The following KBTBD8 variants were observed in gnomAD, a reference collection of about 807,000 sequenced individuals.
KBTBD8 encodes kelch repeat and BTB domain-containing protein 8.
KBTBD8 carries 31 observed loss-of-function variants against 53.5 expected under a neutral mutation model. The observed-to-expected ratio is 0.58, with a 90% CI of 0.44 to 0.78. The LOEUF is 0.78. KBTBD8 is among the 30% of genes least tolerant of loss of function. The pLI is 0.00. For synonymous variants in KBTBD8, 250 were observed against 247.3 expected (o/e 1.01, Z -0.10); for missense variants, 642 against 735.8 (o/e 0.87, Z 1.48).
rs1474580728 is a variant in KBTBD8 at position 67,009,617 on chromosome 3, A to G, written c.*1232A>G. 6.6e-6 allele frequency: 1 copy of G among 152,564 alleles called. No individual in the cohort carries two copies. Among genetic ancestry groups the G allele is most frequent in the Non-Finnish European group, 1.5e-5 (1 of 67,998 alleles). 9.5% of individuals were successfully genotyped at this position (152,564 alleles called of 1,614,324 possible). On this transcript the variant is annotated 3_prime_UTR_variant, in exon 4 of 4. Coordinates refer to ENST00000417314, the MANE Select transcript of KBTBD8 (RefSeq NM_032505.3). ...TAGCTGAAGGTGATTGAAAAGGAAA[A>G]GAGTGAGTGAACAGAACCATAGCTT...
chr3:67,002,934 G>A (rs1489859324), intron 2 of KBTBD8, among the ~76,000 whole-genome samples: 1 of 152,126 alleles, frequency 6.6e-6, no homozygotes, highest in Non-Finnish European at 1.5e-5. Context: ...CTTTTGATTT[G>A]CATTTACTTA....
At chr3:67,002,857 G>A (rs1038796084) in intron 2 of KBTBD8, among the ~76,000 whole-genome samples, 2 of 152,092 alleles carry the variant, frequency 1.3e-5, no homozygotes, top group African/African-American at 2.4e-5. Flanking sequence ...TGTCCCTAAG[G>A]CAACTTGACC....
In KBTBD8 at chr3:67,008,088, T is replaced by C; in HGVS notation, c.1509T>C (p.Asp503=). ...HQRMFTVEAY[D]IELNKWTRKK... is the part of the protein sequence containing the mutation. ...GTATGTTTACTGTAGAAGCCTATGA[T>C]ATTGAGCTAAATAAATGGACTCGTA... The change falls in exon 4 of 4, where the codon GAT becomes GAC. Residue 503 remains aspartate (D), a synonymous_variant. Transcript: ENST00000417314. 6.2e-7 allele frequency: 1 copy of C among 1,614,112 alleles called. No individual in the cohort carries two copies. The highest frequency in any genetic ancestry group is 8.5e-7 in the Non-Finnish European group (1 of 1,180,010).
chr3:67,003,781 AACACCAATGGCTGT>A lies in KBTBD8; in HGVS notation c.819_832del (p.Asn274GlufsTer8). ...AAGCTGTGTAGAAAAGGGACCATCC[AACACCAATGGCTGT>A]ACACAGAGGCTTGGAATGACTGCTT... On this transcript the variant is annotated frameshift_variant, in exon 3 of 4. Coordinates refer to ENST00000417314, the MANE Select transcript of KBTBD8 (RefSeq NM_032505.3). LOFTEE classifies it high-confidence loss of function. 6.2e-7 allele frequency: 1 copy of A among 1,614,218 alleles called. No homozygotes were observed. The highest frequency in any genetic ancestry group is 8.5e-7 in the Non-Finnish European group (1 of 1,180,030).
chr3:67,004,459 G>T, intron 3 of KBTBD8, 150 bp downstream of exon 3: 1 of 682,772 alleles, frequency 1.5e-6, no homozygotes, highest in Non-Finnish European at 2.4e-6. Context: ...TCTGTAAAGA[G>T]CTATAAAGAA....
chr3:67,008,318 A>T lies in KBTBD8; in HGVS notation c.1739A>T (p.Asp580Val), dbSNP rs750277961. Residue 580 changes from aspartate to valine, a missense_variant, in exon 4 of 4, where the codon GAC (aspartate) becomes GTC (valine). Asp to Val is a radical substitution (Grantham distance 152). Coordinates refer to ENST00000417314, the MANE Select transcript of KBTBD8 (RefSeq NM_032505.3). ...KVYETPDRLW[D>V]LGRHFECAVA... ...TATGAGACCCCAGATCGGCTCTGGG[A>T]CCTTGGCCGGCATTTTGAATGTGCT... 3 of 1,613,506 alleles carry T rather than the reference A, an allele frequency of 1.9e-6. No homozygotes were observed.
chr3:67,003,006 G>C (rs1378803732), intron 2 of KBTBD8, among the ~76,000 whole-genome samples, 189 bp from the exon 3 acceptor site: 2 of 152,164 alleles, frequency 1.3e-5, no homozygotes, highest in African/African-American at 4.8e-5. Context: ...TATGGGTTTT[G>C]AGGTTAGCCA....
chr3:66,998,363 C>T lies in KBTBD8; in HGVS notation c.8C>T (p.Ala3Val). 4.0e-6 allele frequency: 5 copies of T among 1,265,366 alleles called. No individual in the cohort carries two copies. The highest frequency in any genetic ancestry group is 5.7e-5 in the South Asian group (2 of 35,350). 78.4% of individuals were successfully genotyped at this position (1,265,366 alleles called of 1,614,324 possible). MA[A>V]SADLSKSSPT... ...TCGGGGCCCCATCGAGAAATGGCCG[C>T]GTCGGCAGGTGGGTCGTGTGGTGGC... is the stretch of plus-strand genomic sequence containing the variant. The change falls in exon 1 of 4, where the codon GCG (alanine) becomes GTG (valine). Residue 3 changes from alanine to valine, a missense_variant. By Grantham distance (64) the Ala-to-Val change is moderately conservative. Transcript: ENST00000417314.
intron 2 of KBTBD8, among the ~76,000 whole-genome samples, chr3:66,999,763 C>T (rs959390349): frequency 6.6e-6 from 1 of 152,104 alleles, no homozygotes; most frequent in Admixed American, 6.6e-5. Flanking sequence ...AACAAATTAC[C>T]ACTCAATAGA....
rs58358527 is a variant in KBTBD8, at chr3:67,006,549, A to G, written c.1343-1373A>G. Among the ~76,000 whole-genome samples the G allele has an allele frequency of 4.5e-3, 683 of 152,340 alleles. 8 individuals carry two copies. Among genetic ancestry groups the G allele is most frequent in the South Asian group, 0.035 (168 of 4,822 alleles). ...AAAGTTTAAATTTCCTACCTTATTTATCGAGAATCCTGTTACAAGTTAGGC... is the reference window on the plus strand; with the variant it reads ...AAAGTTTAAATTTCCTACCTTATTTGTCGAGAATCCTGTTACAAGTTAGGC... On this transcript the variant is annotated intron_variant, in intron 3 of 3. Coordinates refer to ENST00000417314, the MANE Select transcript of KBTBD8 (RefSeq NM_032505.3).
At chr3:67,007,207 T>G (rs939444095) in intron 3 of KBTBD8, among the ~76,000 whole-genome samples, 1 of 152,236 alleles carries the variant, frequency 6.6e-6, no homozygotes, top group Admixed American at 6.5e-5. Context: ...GTTACATGTA[T>G]GCATTTTGGT....
At chr3:67,007,879 C>A (rs752434265) in intron 3 of KBTBD8, 43 bp from the exon 4 acceptor site, 4 of 1,209,352 alleles carry the variant, frequency 3.3e-6, no homozygotes, top group Non-Finnish European at 4.6e-6. Flanking sequence ...AAAAACCAAA[C>A]ATAAAAATTT....
At chr3:67,004,517 A>C (rs1438990192) in intron 3 of KBTBD8, among the ~76,000 whole-genome samples, 2 of 152,258 alleles carry the variant, frequency 1.3e-5, no homozygotes, top group African/African-American at 2.4e-5. Flanking sequence ...AATTACTAAA[A>C]TAATCCTATA....
intron 2 of KBTBD8, among the ~76,000 whole-genome samples, chr3:67,000,579 T>C (rs1201509878): frequency 6.6e-6 from 1 of 152,178 alleles, no homozygotes; most frequent in African/African-American, 2.4e-5. Flanking sequence ...CTAAATCATC[T>C]ATCCAACAAG....
intron 3 of KBTBD8, among the ~76,000 whole-genome samples, chr3:67,006,207 G>T (rs1702063090): frequency 6.6e-6 from 1 of 152,074 alleles, no homozygotes; most frequent in South Asian, 2.1e-4. Flanking sequence ...TGTGTATTTT[G>T]GTCTTACTGC....
chr3:66,998,510 G>A, intron 1 of KBTBD8, 139 bp downstream of exon 1: 2 of 714,200 alleles, frequency 2.8e-6, no homozygotes, highest in East Asian at 3.4e-5. Flanking sequence ...AATGAGAAGA[G>A]GGAGGATGAA....
chr3:67,005,200 CCTTAT>C (rs1381952094), intron 3 of KBTBD8, among the ~76,000 whole-genome samples: 1 of 152,124 alleles, frequency 6.6e-6, no homozygotes, highest in African/African-American at 2.4e-5. Flanking sequence ...ATAGCAACAT[CCTTAT>C]TCCTCGTATG....
intron 2 of KBTBD8, among the ~76,000 whole-genome samples, chr3:67,001,628 T>C (rs573522217): frequency 3.7e-4 from 57 of 152,348 alleles, no homozygotes; most frequent in Admixed American, 7.2e-4. Context: ...TTGGTAGCTG[T>C]ATCGGTGAGT....
At position 67,003,244 on chromosome 3, in the gene KBTBD8, A is replaced by T. The variant is rs1287885217; in HGVS notation, c.277A>T (p.Ile93Leu). 3 of 1,614,118 alleles carry T rather than the reference A, an allele frequency of 1.9e-6. No individual in the cohort carries two copies. Among genetic ancestry groups the T allele is most frequent in the South Asian group, 2.2e-5 (2 of 91,080 alleles). The change falls in exon 3 of 4, where the codon ATA (isoleucine) becomes TTA (leucine). Residue 93 changes from isoleucine (I) to leucine (L), a missense_variant. By Grantham distance (5) the Ile-to-Leu change is conservative (BLOSUM62 2). Transcript: ENST00000417314. ...LTESTQKEVRIVGVEAESMDL... is the reference protein window; with the variant it reads ...LTESTQKEVRLVGVEAESMDL... ...AGAAAGTACTCAAAAAGAAGTTCGA[A>T]TAGTTGGTGTTGAAGCTGAATCGAT... is the stretch of plus-strand genomic sequence containing the variant.
Sources: allele counts gnomAD v4.1 joint callset (sites outside exome capture counted in the v4.1 genomes callset), GRCh38; gene constraint gnomAD v4.1.1; transcripts MANE v1.5; gene names NCBI Gene and HGNC (gene_info 2026-07-23, HGNC 2026-07-21).